Variants in SPINK5 observed in about 807,000 individuals in gnomAD.
SPINK5 encodes serine peptidase inhibitor Kazal type 5.
In SPINK5, 125 loss-of-function variants were observed where a neutral mutation model predicts 151.8. That is an observed-to-expected ratio of 0.82 (90% confidence interval 0.71 to 0.96). SPINK5 has a LOEUF of 0.96. SPINK5 is among the 40% of genes least tolerant of loss of function. SPINK5 has a pLI of 0.00. For missense variants in SPINK5, 1,194 were observed against 1,291.9 expected, an observed-to-expected ratio of 0.92 and a Z score of 1.16; for synonymous variants, 374 against 395.3, an observed-to-expected ratio of 0.95 and a Z score of 0.64.
chr5:148,086,957 TTATATAATA>T (rs1468931052), intron 5 of SPINK5, among the ~76,000 whole-genome samples: 1 of 67,332 alleles, frequency 1.5e-5, no homozygotes, highest in African/African-American at 9.2e-5. Context: ...ATATAACAGA[TTATATAATA>T]TATTTACACA....
intron 30 of SPINK5, among the ~76,000 whole-genome samples, chr5:148,129,872 A>C (rs1474288832): frequency 6.6e-6 from 1 of 152,138 alleles, no homozygotes; most frequent in Non-Finnish European, 1.5e-5. Flanking sequence ...CTATGTTGTC[A>C]AATTTTTTGG....
chr5:148,071,061 T>C (rs960581519), intron 3 of SPINK5, among the ~76,000 whole-genome samples: 1 of 152,118 alleles, frequency 6.6e-6, no homozygotes, highest in African/African-American at 2.4e-5. Context: ...CTTAACTTGG[T>C]TTCCTTCTCT....
chr5:148,119,637 G>A (rs930411240), intron 24 of SPINK5, among the ~76,000 whole-genome samples: 1 of 152,204 alleles, frequency 6.6e-6, no homozygotes, highest in Non-Finnish European at 1.5e-5. Flanking sequence ...GTGATGGCCA[G>A]TCAAGTCCTT....
intron 32 of SPINK5, among the ~76,000 whole-genome samples, chr5:148,135,287 T>G (rs1754670716): frequency 1.3e-5 from 2 of 152,168 alleles, no homozygotes; most frequent in African/African-American, 2.4e-5. Context: ...TTTACATATA[T>G]CTCAGGAGAG....
rs767616540 is a variant in SPINK5 at position 148,116,383 on chromosome 5, G to A, written c.2029G>A (p.Glu677Lys). The change falls in exon 22 of 33, where the codon GAG (glutamate) becomes AAG (lysine). Residue 677 changes from glutamate to lysine, a missense_variant. Transcript: ENST00000256084. ...TCTAATTTCCAGCCAGAAAGAAAAT[G>A]AGGAAAGAAAGAGGAAAGAAGAGGA... Reference protein sequence around the residue: ...MCKAVFQKENEERKRKEEEDQ... With the variant: ...MCKAVFQKENKERKRKEEEDQ... 6.2e-7 allele frequency: 1 copy of A among 1,614,072 alleles called. No homozygotes were observed. The highest frequency in any genetic ancestry group is 1.1e-5 in the South Asian group (1 of 91,078).
intron 18 of SPINK5, among the ~76,000 whole-genome samples, chr5:148,109,505 A>T (rs1230981157): frequency 6.7e-6 from 1 of 150,004 alleles, no homozygotes; most frequent in Admixed American, 6.7e-5. Flanking sequence ...TATTTACTAT[A>T]TATTAACATA....
rs1233347708 is a variant in SPINK5, at chr5:148,131,293, C to T, written c.2999C>T (p.Pro1000Leu). ...SEMCKDYRVL[P>L]RIGYLCPKDL... The stretch of plus-strand genomic sequence containing the variant: ...ATGTGCAAAGACTACCGAGTATTGC[C>T]CAGGATAGGTTATCTTTGTCCAAAG... The change falls in exon 31 of 33, where the codon CCC becomes CTC. Residue 1000 changes from proline (P) to leucine (L), a missense_variant. Coordinates refer to ENST00000256084, the MANE Select transcript of SPINK5 (RefSeq NM_006846.4). 6.2e-7 allele frequency: 1 copy of T among 1,613,658 alleles called. No individual in the cohort carries two copies. The highest frequency in any genetic ancestry group is 8.5e-7 in the Non-Finnish European group (1 of 1,179,786).
rs745351067 is a variant in SPINK5 at position 148,123,784 on chromosome 5, T to G, written c.2539-49T>G. 3.7e-6 allele frequency: 6 copies of G among 1,612,992 alleles called. No individual in the cohort carries two copies. The Admixed American group carries it at 5.0e-5, about 13-fold the overall frequency. ...AATCGGTCAATCATGTTATCAGGTT[T>G]GAAAGATTATACCATGACAGTAACA... is the stretch of plus-strand genomic sequence containing the variant. On this transcript the variant is annotated intron_variant, in intron 26 of 32. Transcript: ENST00000256084.
At chr5:148,117,033 ATTT>A (rs1754112513) in intron 22 of SPINK5, among the ~76,000 whole-genome samples, 1 of 152,218 alleles carries the variant, frequency 6.6e-6, no homozygotes, top group South Asian at 2.1e-4. Flanking sequence ...TTCTTGAGGC[ATTT>A]TTAAGTGTCA....
chr5:148,106,400 C>T (rs759520302), intron 16 of SPINK5, among the ~76,000 whole-genome samples: 3 of 152,086 alleles, frequency 2.0e-5, no homozygotes, highest in African/African-American at 4.8e-5. Flanking sequence ...AAGCTCACTA[C>T]AACTTCGAAC....
At chr5:148,065,761 G>T (rs1441170724) in intron 2 of SPINK5, among the ~76,000 whole-genome samples, 2 of 152,020 alleles carry the variant, frequency 1.3e-5, no homozygotes, top group Non-Finnish European at 2.9e-5. Flanking sequence ...TGCAAAAGAG[G>T]GTGGTCTGTA....
chr5:148,118,393 T>C (rs1366253443), intron 22 of SPINK5, 44 bp from the exon 23 acceptor site: 1 of 1,613,014 alleles, frequency 6.2e-7, no homozygotes, highest in African/African-American at 1.3e-5. Flanking sequence ...AAGAATACAG[T>C]AGACTAAGTA....
chr5:148,117,087 G>A (rs1754114168), intron 22 of SPINK5, among the ~76,000 whole-genome samples: 1 of 152,148 alleles, frequency 6.6e-6, no homozygotes, highest in African/African-American at 2.4e-5. Flanking sequence ...TTGGGTCTCT[G>A]AACACAGTTT....
At chr5:148,115,951 A>G (rs1754076089) in intron 21 of SPINK5, among the ~76,000 whole-genome samples, 2 of 151,138 alleles carry the variant, frequency 1.3e-5, no homozygotes, top group African/African-American at 4.9e-5. Context: ...CCTCCCTAGT[A>G]GCTGGGGTTA....
intron 26 of SPINK5, among the ~76,000 whole-genome samples, chr5:148,121,636 T>G (rs1192052418): frequency 7.2e-6 from 1 of 139,840 alleles, no homozygotes; most frequent in Non-Finnish European, 1.6e-5. Context: ...TATTTATATA[T>G]AGAAAATACT....
intron 26 of SPINK5, among the ~76,000 whole-genome samples, chr5:148,123,519 GTGTATATATATATATATATATATATAT>G (rs1754342914): frequency 2.0e-4 from 4 of 20,108 alleles, no homozygotes; most frequent in East Asian, 1.5e-3. Context: ...TGCAATATAT[GTGTATATATATATATATATATATATAT>G]ATATAATCTT....
intron 20 of SPINK5, among the ~76,000 whole-genome samples, chr5:148,114,135 A>T (rs1754018838): frequency 6.6e-6 from 1 of 152,158 alleles, no homozygotes; most frequent in Non-Finnish European, 1.5e-5. Context: ...AGTCTTGTGT[A>T]TGGTTGCAGG....
chr5:148,133,710 C>A, intron 31 of SPINK5, 87 bp from the exon 32 acceptor site: 1 of 1,335,958 alleles, frequency 7.5e-7, no homozygotes, highest in South Asian at 1.2e-5. Context: ...GTTTGATACC[C>A]AAGTGTCCTG....
At position 148,107,128 on chromosome 5, in the gene SPINK5, T is replaced by C. The variant is rs1457630126; in HGVS notation, c.1571T>C (p.Met524Thr). ...CCTGTCCGTGGCCCAGATGGCAAAA[T>C]GCATGGAAACAAGTGTGCCATGTGT... ...HNPVRGPDGKMHGNKCAMCAS... is the reference protein window; with the variant it reads ...HNPVRGPDGKTHGNKCAMCAS... Residue 524 changes from methionine to threonine, a missense_variant, in exon 17 of 33, where the codon ATG becomes ACG. Met to Thr is a moderately conservative substitution (Grantham distance 81). Transcript: ENST00000256084. 6.2e-7 allele frequency: 1 copy of C among 1,612,994 alleles called. No individual in the cohort carries two copies.
Sources: gnomAD v4.1 joint callset for allele counts (sites outside exome capture counted in the v4.1 genomes callset) on GRCh38, gnomAD v4.1.1 for gene constraint, MANE v1.5 for transcripts, NCBI Gene and HGNC (gene_info 2026-07-23, HGNC 2026-07-21) for gene names.